TOGARAM1: variants seen among roughly 807,000 people sequenced by gnomAD.
TOGARAM1 encodes the protein TOG array regulator of axonemal microtubules 1, also known as TOG array regulator of axonemal microtubules protein 1.
Under a neutral mutation model 166.6 loss-of-function variants are expected in TOGARAM1, and 100 were observed. The observed-to-expected ratio is 0.60, with a 90% CI of 0.51 to 0.71. The LOEUF is 0.71. Among genes scored for constraint, TOGARAM1 ranks in the 30% least tolerant of loss-of-function variants. TOGARAM1 has a pLI of 0.00. For synonymous variants in TOGARAM1, 758 were observed against 763.8 expected, an observed-to-expected ratio of 0.99 and a Z score of 0.13; for missense variants, 2,029 against 2,102.7, an observed-to-expected ratio of 0.96 and a Z score of 0.69.
intron 1 of TOGARAM1, among the ~76,000 whole-genome samples, chr14:44,986,598 A>G (rs1886810576): frequency 6.6e-6 from 1 of 151,918 alleles, no homozygotes; most frequent in South Asian, 2.1e-4. Flanking sequence ...CTCCTGGCCC[A>G]ACTTTTTCTA....
rs770586889 is a variant in TOGARAM1, at chr14:45,012,457, T to TA, written c.3238+387dup. On this transcript the variant is annotated intron_variant, in intron 7 of 19. Transcript: ENST00000361462. ...GGACATCCCGAAAGACAATTTTCTT[T>TA]AAAAACAATATTAACTGTTAATAGT... Among the ~76,000 whole-genome samples the TA allele has an allele frequency of 2.0e-5, 3 of 152,328 alleles. No homozygotes were observed. In the South Asian group the frequency reaches 6.2e-4, roughly 32 times the overall value.
intron 7 of TOGARAM1, chr14:45,025,563 CAAA>C (rs1413248103): frequency 8.6e-3 from 1,943 of 227,168 alleles, no homozygotes; most frequent in South Asian, 0.015. Flanking sequence ...GACTCCATCT[CAAA>C]AAAAAAAAAA....
At chr14:45,011,831 C>G in intron 6 of TOGARAM1, 144 bp from the exon 7 acceptor site, 1 of 530,986 alleles carries the variant, frequency 1.9e-6, no homozygotes, top group African/African-American at 2.1e-5. Context: ...ACACTGTTAG[C>G]CATAGTTTTT....
intron 1 of TOGARAM1, among the ~76,000 whole-genome samples, chr14:44,993,102 GTAAAA>G (rs1039571506): frequency 4.0e-5 from 6 of 151,162 alleles, no homozygotes; most frequent in Non-Finnish European, 7.4e-5. Flanking sequence ...AAAAAATAAA[GTAAAA>G]TAAAATAAAG....
At chr14:44,997,432 A>AAT (rs1887474241) in intron 2 of TOGARAM1, 1 of 147,196 alleles carries the variant, frequency 6.8e-6, no homozygotes, top group Non-Finnish European at 1.5e-5. Context: ...AAAAAAAAAA[A>AAT]GGTGATTGGA....
chr14:44,962,354 C>A lies in TOGARAM1; in HGVS notation c.-68C>A. 6.8e-7 allele frequency: 1 copy of A among 1,478,692 alleles called. No individual in the cohort carries two copies. Among genetic ancestry groups the A allele is most frequent in the Non-Finnish European group, 8.9e-7 (1 of 1,117,816 alleles). The allele number at this position is 1,478,692 out of a possible 1,614,324, so 91.6% of individuals were successfully genotyped here. A position where few individuals can be genotyped will look rare whatever the true frequency, so the allele number is the denominator to read the frequency against. The stretch of plus-strand genomic sequence containing the variant: ...TGGGGCTTGGAGAGGATCTGGAAGT[C>A]TGGGCTCCATCGAGCCCTTTGGAGA... On this transcript the variant is annotated 5_prime_UTR_variant, in exon 1 of 20. In the 5' UTR this introduces an upstream ATG that the reference lacks. Transcript: ENST00000361462.
At chr14:44,970,952 G>T (rs773081244) in intron 1 of TOGARAM1, among the ~76,000 whole-genome samples, 16 of 151,942 alleles carry the variant, frequency 1.1e-4, no homozygotes, top group Non-Finnish European at 2.2e-4. Flanking sequence ...ATTTTGTTGA[G>T]GATTTTCACA....
chr14:45,039,960 G>GC (rs1381860874), intron 11 of TOGARAM1, among the ~76,000 whole-genome samples: 1 of 152,128 alleles, frequency 6.6e-6, no homozygotes, highest in East Asian at 1.9e-4. Context: ...GGCTGCCACT[G>GC]CCATCAATGT....
chr14:45,072,180 A>G (rs1034921033), intron 19 of TOGARAM1, among the ~76,000 whole-genome samples: 1 of 152,164 alleles, frequency 6.6e-6, no homozygotes, highest in Non-Finnish European at 1.5e-5. Flanking sequence ...CAAAATTCTC[A>G]GGCAAAATGC....
intron 7 of TOGARAM1, among the ~76,000 whole-genome samples, chr14:45,022,309 C>G (rs983424906): frequency 5.3e-5 from 8 of 150,658 alleles, no homozygotes; most frequent in African/African-American, 2.0e-4. Context: ...TCTACCGAAA[C>G]TAGTAGATAC....
intron 1 of TOGARAM1, among the ~76,000 whole-genome samples, chr14:44,977,120 C>T (rs1189055613): frequency 1.3e-5 from 2 of 151,656 alleles, no homozygotes; most frequent in African/African-American, 4.8e-5. Context: ...ATGTAGCTAT[C>T]AAATGCATCT....
intron 11 of TOGARAM1, among the ~76,000 whole-genome samples, chr14:45,035,266 A>G (rs1594677104): frequency 6.6e-6 from 1 of 152,138 alleles, no homozygotes; most frequent in African/African-American, 2.4e-5. Context: ...CGACTGGGGC[A>G]GGAGAATCGC....
rs1566649922 is a variant in TOGARAM1 at position 45,032,387 on chromosome 14, C to T, written c.3812+11C>T. On this transcript the variant is annotated intron_variant, in intron 11 of 19. Coordinates refer to ENST00000361462, the MANE Select transcript of TOGARAM1 (RefSeq NM_001308120.2). The stretch of plus-strand genomic sequence containing the variant: ...GGCTGATGAGGATTGGTAAGTTCAC[C>T]ATCCTTAACTTAAAACTAAGCAGAG... The T allele has an allele frequency of 1.2e-6, 2 of 1,607,424 alleles. No homozygotes were observed. The highest frequency in any genetic ancestry group is 4.5e-5 in the East Asian group (2 of 44,782).
chr14:44,995,783 A>T lies in TOGARAM1; in HGVS notation c.2084A>T (p.Lys695Met). The change falls in exon 2 of 20, where the codon AAG becomes ATG. Residue 695 changes from lysine to methionine, a missense_variant. Coordinates refer to ENST00000361462, the MANE Select transcript of TOGARAM1 (RefSeq NM_001308120.2). Reference protein sequence around the residue: ...TYDFIPSAKLKLSQGMPVNDD... With the variant: ...TYDFIPSAKLMLSQGMPVNDD... ...GATTTCATCCCATCTGCAAAATTAA[A>T]GCTTTCTCAAGGAATGCCAGTCAAT... The T allele has an allele frequency of 3.8e-6, 6 of 1,593,820 alleles. No homozygotes were observed. The highest frequency in any genetic ancestry group is 5.1e-6 in the Non-Finnish European group (6 of 1,172,148).
At chr14:45,056,057 G>A (rs527881178) in intron 16 of TOGARAM1, among the ~76,000 whole-genome samples, 3 of 151,798 alleles carry the variant, frequency 2.0e-5, no homozygotes, top group African/African-American at 7.2e-5. Flanking sequence ...TTTTGTCAGC[G>A]TTTTTTAGTT....
chr14:45,043,388 G>T (rs1881824983), intron 11 of TOGARAM1, among the ~76,000 whole-genome samples: 1 of 152,038 alleles, frequency 6.6e-6, no homozygotes, highest in South Asian at 2.1e-4. Flanking sequence ...ATGTTGGCCT[G>T]GCTGGTCTCA....
chr14:45,070,587 C>T (rs930243518), intron 18 of TOGARAM1, among the ~76,000 whole-genome samples: 1 of 152,144 alleles, frequency 6.6e-6, no homozygotes, highest in Non-Finnish European at 1.5e-5. Flanking sequence ...TGTAAGAATA[C>T]AGTATATAAT....
intron 16 of TOGARAM1, among the ~76,000 whole-genome samples, chr14:45,056,281 T>C (rs1882633661): frequency 6.6e-6 from 1 of 152,062 alleles, no homozygotes; most frequent in Non-Finnish European, 1.5e-5. Flanking sequence ...TTTGGTGGAG[T>C]CTTTGGGGTT....
At chr14:45,023,591 G>GAAC (rs975541394) in intron 7 of TOGARAM1, among the ~76,000 whole-genome samples, 2 of 152,098 alleles carry the variant, frequency 1.3e-5, no homozygotes, top group African/African-American at 4.8e-5. Flanking sequence ...GGTATGCCAG[G>GAAC]GGTTGCAAGC....
Sources: gnomAD v4.1 joint callset for allele counts (sites outside exome capture counted in the v4.1 genomes callset) on GRCh38, gnomAD v4.1.1 for gene constraint, MANE v1.5 for transcripts, NCBI Gene and HGNC (gene_info 2026-07-23, HGNC 2026-07-21) for gene names.